Variants in NRIP1 observed in about 807,000 individuals in gnomAD.
NRIP1 encodes nuclear receptor-interacting protein 1.
A neutral mutation model predicts 75.0 loss-of-function variants in NRIP1; 28 were observed. The observed-to-expected ratio is 0.37, with a 90% CI of 0.28 to 0.51. The LOEUF is 0.51. Ranked by LOEUF, NRIP1 falls within the 20% of genes least tolerant of loss-of-function variation. The probability of loss-of-function intolerance (pLI) is 0.92; values close to 1 mark genes in which losing one functional copy is unlikely to be tolerated. For synonymous variants in NRIP1, 526 were observed against 487.6 expected, an observed-to-expected ratio of 1.08 and a Z score of -1.04; for missense variants, 1,435 against 1,343.7, an observed-to-expected ratio of 1.07 and a Z score of -1.06.
intron 2 of NRIP1, among the ~76,000 whole-genome samples, chr21:15,037,525 T>C (rs1482968999): frequency 2.0e-5 from 3 of 152,130 alleles, no homozygotes; most frequent in African/African-American, 7.2e-5. Context: ...AATGAAACGC[T>C]ATGAAAAATA....
chr21:14,972,762 C>T (rs536249932), intron 3 of NRIP1, among the ~76,000 whole-genome samples: 1 of 152,290 alleles, frequency 6.6e-6, no homozygotes, highest in South Asian at 2.1e-4. Flanking sequence ...ACTGTTCCAC[C>T]TCAGATCATC....
intron 1 of NRIP1, among the ~76,000 whole-genome samples, chr21:15,064,307 AG>A (rs972051286): frequency 1.3e-5 from 2 of 152,204 alleles, no homozygotes; most frequent in Non-Finnish European, 2.9e-5. Flanking sequence ...AGCAAGGAGC[AG>A]GGAGGCACCC....
At position 14,967,920 on chromosome 21, in the gene NRIP1, C is replaced by G. The variant is rs1276052898; in HGVS notation, c.273G>C (p.Glu91Asp). The G allele has an allele frequency of 6.2e-7, 1 of 1,614,140 alleles. No individual in the cohort carries two copies. ...LKKARLLQSS[E>D]DWNAAKRKRL... The stretch of plus-strand genomic sequence containing the variant: ...TCTTCCGCTTTGCTGCATTCCAGTC[C>G]TCAGAAGACTGCAACAGTCTGGCTT... Residue 91 changes from glutamate to aspartate, a missense_variant, in exon 4 of 4, where the codon GAG becomes GAC. Transcript: ENST00000318948.
At chr21:15,052,481 A>T (rs1353252828) in intron 1 of NRIP1, 1 of 152,170 alleles carries the variant, frequency 6.6e-6, no homozygotes, top group East Asian at 1.9e-4. Context: ...CCTTTTTAAA[A>T]GTAACAATGG....
intron 1 of NRIP1, among the ~76,000 whole-genome samples, chr21:15,055,007 TG>T (rs1266085557): frequency 6.6e-6 from 1 of 152,216 alleles, no homozygotes; most frequent in Non-Finnish European, 1.5e-5. Flanking sequence ...ATCAGGAACG[TG>T]GCCAGTGTGT....
intron 1 of NRIP1, among the ~76,000 whole-genome samples, chr21:15,063,719 A>G (rs942196738): frequency 2.2e-4 from 33 of 152,208 alleles, no homozygotes; most frequent in Non-Finnish European, 4.4e-4. Context: ...AGTTCCACCA[A>G]CTGGGTTTTT....
chr21:14,982,938 A>G (rs939758751), intron 3 of NRIP1, among the ~76,000 whole-genome samples: 15 of 152,062 alleles, frequency 9.9e-5, no homozygotes, highest in African/African-American at 3.1e-4. Flanking sequence ...AACTGTGCCC[A>G]TATCACAGCA....
intron 1 of NRIP1, among the ~76,000 whole-genome samples, chr21:15,048,740 T>C (rs2089140589): frequency 6.6e-6 from 1 of 152,212 alleles, no homozygotes; most frequent in African/African-American, 2.4e-5. Flanking sequence ...TGATAGGCAA[T>C]ACCTTAATTG....
intron 2 of NRIP1, among the ~76,000 whole-genome samples, chr21:15,041,520 T>G (rs2088954054): frequency 6.6e-6 from 1 of 152,172 alleles, no homozygotes; most frequent in Admixed American, 6.5e-5. Flanking sequence ...ACCTTATGCA[T>G]TATGATTTCT....
At chr21:15,062,342 C>G (rs1978370205) in intron 1 of NRIP1, among the ~76,000 whole-genome samples, 1 of 152,218 alleles carries the variant, frequency 6.6e-6, no homozygotes, top group South Asian at 2.1e-4. Context: ...TTCTGAATTT[C>G]CAGAATTTCT....
intron 2 of NRIP1, among the ~76,000 whole-genome samples, chr21:15,026,599 T>A (rs979455009): frequency 1.3e-5 from 2 of 152,176 alleles, no homozygotes; most frequent in African/African-American, 4.8e-5. Flanking sequence ...CTTATAATAG[T>A]CATACATATG....
intron 2 of NRIP1, among the ~76,000 whole-genome samples, chr21:15,038,145 T>C (rs532341289): frequency 2.0e-5 from 3 of 152,230 alleles, no homozygotes; most frequent in African/African-American, 7.2e-5. Flanking sequence ...AGGAAAGACT[T>C]TGATCACATT....
chr21:15,000,321 G>T (rs180991019), intron 3 of NRIP1, among the ~76,000 whole-genome samples: 1 of 152,294 alleles, frequency 6.6e-6, no homozygotes, highest in East Asian at 1.9e-4. Context: ...AGAGGGGAAG[G>T]TGGTTGAGGA....
chr21:14,966,546 A>G lies in NRIP1; in HGVS notation c.1647T>C (p.Thr549=), dbSNP rs745310338. The G allele has an allele frequency of 2.5e-6, 4 of 1,614,124 alleles. No individual in the cohort carries two copies. The South Asian group carries it at 4.4e-5, about 18-fold the overall frequency. ...VIESPSTNRT[T]PVSTPPLLTS... ...TAAGTAAAGGTGGAGTGCTCACTGG[A>G]GTAGTCCGATTTGTACTGGGGCTTT... Residue 549 remains threonine, a synonymous_variant, in exon 4 of 4, where the codon ACT becomes ACC. Coordinates refer to ENST00000318948, the MANE Select transcript of NRIP1 (RefSeq NM_003489.4).
chr21:14,993,359 TA>T (rs1457273719), intron 3 of NRIP1, among the ~76,000 whole-genome samples: 2 of 152,326 alleles, frequency 1.3e-5, no homozygotes, highest in Middle Eastern at 3.4e-3. Context: ...CTCAACAATT[TA>T]AATGTACGAG....
At chr21:15,057,119 C>T (rs2089323601) in intron 1 of NRIP1, among the ~76,000 whole-genome samples, 1 of 151,978 alleles carries the variant, frequency 6.6e-6, no homozygotes, top group Admixed American at 6.6e-5. Flanking sequence ...AGCAGTTTAT[C>T]AGCACAGGAT....
At chr21:15,050,760 C>G (rs1380898945) in intron 1 of NRIP1, 1 of 455,940 alleles carries the variant, frequency 2.2e-6, no homozygotes, top group Admixed American at 2.3e-5. Context: ...CCTCTAGGGG[C>G]CAGCCAACGC....
Position 14,965,724 on chromosome 21 carries a change from T to A in NRIP1, c.2469A>T (p.Leu823=), listed in dbSNP as rs747988325. The A allele has an allele frequency of 1.9e-6, 3 of 1,613,818 alleles. No individual in the cohort carries two copies. Among genetic ancestry groups the A allele is most frequent in the Middle Eastern group, 1.6e-4 (1 of 6,084 alleles). ...CCAGGTAACTATCTTGATTTTGTCT[T>A]AGCAATCGACTTAGCAGACCATTCT... The part of the protein sequence containing the change: ...FSKNGLLSRL[L]RQNQDSYLAD... Residue 823 remains leucine, a synonymous_variant, in exon 4 of 4, where the codon CTA becomes CTT. Coordinates refer to ENST00000318948, the MANE Select transcript of NRIP1 (RefSeq NM_003489.4).
chr21:15,003,774 G>A (rs1430068863), intron 3 of NRIP1, among the ~76,000 whole-genome samples: 2 of 152,140 alleles, frequency 1.3e-5, no homozygotes, highest in Admixed American at 6.5e-5. Flanking sequence ...GAGCAGCTGC[G>A]GGTGCCAATT....
Sources: gnomAD v4.1 joint callset for allele counts (sites outside exome capture counted in the v4.1 genomes callset) on GRCh38, gnomAD v4.1.1 for gene constraint, MANE v1.5 for transcripts, NCBI Gene and HGNC (gene_info 2026-07-23, HGNC 2026-07-21) for gene names.